Variants in TMEM178B observed in about 807,000 individuals in gnomAD.
TMEM178B encodes the protein transmembrane protein 178B.
A neutral mutation model predicts 31.0 loss-of-function variants in TMEM178B; 5 were observed. The ratio of observed to expected loss-of-function variants is 0.16; its 90% confidence interval spans 0.08 to 0.34. The LOEUF (loss-of-function observed/expected upper bound fraction) is 0.34, where lower values mean the gene tolerates loss of function less well. Ranked by LOEUF, TMEM178B falls within the 10% of genes least tolerant of loss-of-function variation. The pLI is 1.00. For synonymous variants in TMEM178B, 164 were observed against 164.0 expected, an observed-to-expected ratio of 1.00 and a Z score of 0.00; for missense variants, 275 against 400.3, an observed-to-expected ratio of 0.69 and a Z score of 2.67.
At chr7:141,229,521 A>AT (rs1202984781) in intron 2 of TMEM178B, among the ~76,000 whole-genome samples, 7 of 152,098 alleles carry the variant, frequency 4.6e-5, no homozygotes, top group African/African-American at 1.7e-4. Context: ...CCATCGGCTT[A>AT]TTTTATTTCT....
chr7:141,451,338 T>C (rs1345623050), intron 3 of TMEM178B, among the ~76,000 whole-genome samples: 5 of 152,226 alleles, frequency 3.3e-5, no homozygotes, highest in Non-Finnish European at 5.9e-5. Context: ...GCTTGGTCTG[T>C]AGTGAGCACT....
At position 141,277,838 on chromosome 7, in the gene TMEM178B, T is replaced by C. The variant is rs147156801; in HGVS notation, c.496+65134T>C. Among the ~76,000 whole-genome samples the C allele has an allele frequency of 1.4e-4, 21 of 152,310 alleles. No homozygotes were observed. In the East Asian group the frequency reaches 3.1e-3, roughly 22 times the overall value. ...ATATTAGGGTAAAAATGAATCTTAA[T>C]GAACCAGCATATATATATTGAATAT... On this transcript the variant is annotated intron_variant, in intron 2 of 3. Transcript: ENST00000565468.
At chr7:141,210,849 C>G (rs1361491086) in intron 1 of TMEM178B, among the ~76,000 whole-genome samples, 1 of 152,096 alleles carries the variant, frequency 6.6e-6, no homozygotes, top group East Asian at 1.9e-4. Flanking sequence ...GGAGGGGAGA[C>G]AGAGAGTAGG....
chr7:141,271,953 G>A (rs1250536314), intron 2 of TMEM178B, among the ~76,000 whole-genome samples: 4 of 152,138 alleles, frequency 2.6e-5, no homozygotes, highest in African/African-American at 7.2e-5. Flanking sequence ...CTGCCCTATT[G>A]TGCCTCATCT....
At chr7:141,103,532 G>A (rs1055596392) in intron 1 of TMEM178B, among the ~76,000 whole-genome samples, 2 of 152,030 alleles carry the variant, frequency 1.3e-5, no homozygotes, top group East Asian at 3.9e-4. Flanking sequence ...AGTTTTTTGA[G>A]GGCTCTATCT....
intron 1 of TMEM178B, among the ~76,000 whole-genome samples, chr7:141,196,385 T>C (rs1226949029): frequency 6.6e-6 from 1 of 152,222 alleles, no homozygotes; most frequent in African/African-American, 2.4e-5. Context: ...ATAGGACATA[T>C]ACATTTCTAC....
At chr7:141,215,358 C>T (rs1797116022) in intron 2 of TMEM178B, among the ~76,000 whole-genome samples, 1 of 92,228 alleles carries the variant, frequency 1.1e-5, no homozygotes. Context: ...TGGAGTCTCA[C>T]TCTGTTGCCC....
chr7:141,107,966 C>A (rs1408483434), intron 1 of TMEM178B, among the ~76,000 whole-genome samples: 1 of 152,122 alleles, frequency 6.6e-6, no homozygotes, highest in East Asian at 1.9e-4. Context: ...TTCTGGAGGT[C>A]AAGTGAAGAA....
At chr7:141,210,950 C>T (rs1210814417) in intron 1 of TMEM178B, among the ~76,000 whole-genome samples, 5 of 152,034 alleles carry the variant, frequency 3.3e-5, no homozygotes, top group Non-Finnish European at 7.4e-5. Context: ...GAGGAGGAGG[C>T]AGCATTTGCA....
intron 1 of TMEM178B, among the ~76,000 whole-genome samples, chr7:141,201,645 T>C (rs1170089352): frequency 1.3e-5 from 2 of 152,176 alleles, no homozygotes; most frequent in African/African-American, 4.8e-5. Flanking sequence ...CTCCTGCTGG[T>C]AAGTGGCTTG....
At chr7:141,188,221 G>A (rs551810862) in intron 1 of TMEM178B, among the ~76,000 whole-genome samples, 7 of 152,254 alleles carry the variant, frequency 4.6e-5, no homozygotes, top group African/African-American at 1.7e-4. Context: ...TCACACGCCC[G>A]AACTCATTGG....
At chr7:141,403,781 G>A (rs1339715281) in intron 2 of TMEM178B, among the ~76,000 whole-genome samples, 2 of 152,176 alleles carry the variant, frequency 1.3e-5, no homozygotes, top group African/African-American at 4.8e-5. Flanking sequence ...TACCCAAGGA[G>A]GGAAGTGGTC....
chr7:141,135,651 T>C (rs1795664029), intron 1 of TMEM178B, among the ~76,000 whole-genome samples: 1 of 152,062 alleles, frequency 6.6e-6, no homozygotes. Flanking sequence ...GTGAAGATCT[T>C]AAGAAGGAAG....
chr7:141,507,570 C>T, the TMEM178B span, among the ~76,000 whole-genome samples: 1 of 152,182 alleles, frequency 6.6e-6, no homozygotes, highest in Non-Finnish European at 1.5e-5. Context: ...TAGGGTTTTA[C>T]CATGTTTTCC....
intron 1 of TMEM178B, among the ~76,000 whole-genome samples, chr7:141,107,837 G>C (rs1447420221): frequency 6.6e-6 from 1 of 152,198 alleles, no homozygotes; most frequent in Non-Finnish European, 1.5e-5. Flanking sequence ...GACAAGAGAA[G>C]ATAAAAGGCC....
intron 2 of TMEM178B, among the ~76,000 whole-genome samples, chr7:141,252,267 G>T (rs1163841267): frequency 2.6e-5 from 4 of 152,154 alleles, no homozygotes; most frequent in African/African-American, 9.7e-5. Context: ...GATAGGAGAG[G>T]CTGCCTGTAA....
intron 1 of TMEM178B, among the ~76,000 whole-genome samples, chr7:141,098,910 C>G (rs752273346): frequency 1.3e-5 from 2 of 152,172 alleles, no homozygotes; most frequent in African/African-American, 2.4e-5. Flanking sequence ...ATGAAGTTTA[C>G]CCTTTTAATA....
chr7:141,397,158 C>T (rs375437071), intron 2 of TMEM178B, among the ~76,000 whole-genome samples: 4 of 152,304 alleles, frequency 2.6e-5, no homozygotes, highest in East Asian at 1.9e-4. Context: ...GTAATGAGAT[C>T]GTGGAATTTT....
chr7:141,176,144 T>C (rs1389389563), intron 1 of TMEM178B, among the ~76,000 whole-genome samples: 1 of 152,174 alleles, frequency 6.6e-6, no homozygotes, highest in Non-Finnish European at 1.5e-5. Flanking sequence ...CAATGCCCAG[T>C]TTATTGAGAG....
Sources: allele counts gnomAD v4.1 joint callset (sites outside exome capture counted in the v4.1 genomes callset), GRCh38; gene constraint gnomAD v4.1.1; transcripts MANE v1.5; gene names NCBI Gene and HGNC (gene_info 2026-07-23, HGNC 2026-07-21).